MFAP4: variants seen among roughly 807,000 people sequenced by gnomAD.
MFAP4 encodes the protein microfibril-associated glycoprotein 4.
MFAP4 carries 20 observed loss-of-function variants against 32.4 expected under a neutral mutation model. That is an observed-to-expected ratio of 0.62 (90% CI 0.43 to 0.90). The LOEUF (loss-of-function observed/expected upper bound fraction) is 0.90. MFAP4 is among the 40% of genes least tolerant of loss of function. MFAP4 has a pLI of 0.00. For missense variants in MFAP4, 267 were observed against 329.5 expected (o/e 0.81, Z 1.47); for synonymous variants, 146 against 137.4 (o/e 1.06, Z -0.44).
chr17:19,386,977 G>GGGGGC, intron 1 of MFAP4, 139 bp from the exon 2 acceptor site: 26 of 689,422 alleles, frequency 3.8e-5, no homozygotes, highest in South Asian at 5.4e-5. Context: ...CCTCTTCCCT[G>GGGGGC]CCCCCCCACC....
intron 1 of MFAP4, 147 bp from the exon 2 acceptor site, chr17:19,386,985 A>AACC: frequency 3.2e-6 from 1 of 317,372 alleles, no homozygotes; most frequent in Non-Finnish European, 6.1e-6. Flanking sequence ...CTGCCCCCCC[A>AACC]CCCCGCCCGC....
intron 3 of MFAP4, among the ~76,000 whole-genome samples, chr17:19,385,955 C>T (rs1913015511): frequency 6.6e-6 from 1 of 152,190 alleles, no homozygotes; most frequent in African/African-American, 2.4e-5. Context: ...CTCATCTCTA[C>T]TAAAAATAAA....
intron 5 of MFAP4, 125 bp downstream of exon 5, chr17:19,384,974 C>A: frequency 1.2e-5 from 16 of 1,301,390 alleles, no homozygotes; most frequent in Non-Finnish European, 1.7e-5. Flanking sequence ...TTGGAGCCAG[C>A]TGTGGCCCTT....
chr17:19,384,766 G>C, intron 5 of MFAP4, 57 bp from the exon 6 acceptor site: 1 of 1,602,900 alleles, frequency 6.2e-7, no homozygotes, highest in South Asian at 1.1e-5. Context: ...CCCCGAGCTG[G>C]CCGGGAGAGG....
chr17:19,384,773 G>A (rs1912960633), intron 5 of MFAP4, 64 bp from the exon 6 acceptor site: 2 of 1,599,820 alleles, frequency 1.3e-6, no homozygotes, highest in Non-Finnish European at 8.5e-7. Flanking sequence ...CTGGCCGGGA[G>A]AGGGTGACAA....
intron 5 of MFAP4, 83 bp from the exon 6 acceptor site, chr17:19,384,792 G>C: frequency 1.3e-6 from 2 of 1,566,900 alleles, no homozygotes; most frequent in Admixed American, 1.7e-5. Flanking sequence ...AATGACGACT[G>C]TGAGAGATAT....
chr17:19,386,157 G>C (rs1270188981), intron 3 of MFAP4, among the ~76,000 whole-genome samples, 153 bp downstream of exon 3: 2 of 152,224 alleles, frequency 1.3e-5, no homozygotes, highest in African/African-American at 4.8e-5. Flanking sequence ...CAGGCACTTA[G>C]AATTAAGCGT....
chr17:19,383,935 A>G lies in MFAP4; in HGVS notation c.*527T>C. The G allele has an allele frequency of 6.2e-6, 1 of 161,196 alleles. No homozygotes were observed. The allele number at this position is 161,196 out of a possible 1,614,324, so 10.0% of individuals were successfully genotyped here. ...GGTTCCACGGTACTCACCACAGGGGAGTAAGTTGGTGGGAGGGATGCTGAA... is the reference window on the plus strand; with the variant it reads ...GGTTCCACGGTACTCACCACAGGGGGGTAAGTTGGTGGGAGGGATGCTGAA... On this transcript the variant is annotated 3_prime_UTR_variant, in exon 6 of 6. Coordinates refer to ENST00000299610, the MANE Select transcript of MFAP4 (RefSeq NM_002404.3).
At position 19,386,798 on chromosome 17, in the gene MFAP4, G is replaced by A. The variant is rs912620825; in HGVS notation, c.47C>T (p.Pro16Leu). Residue 16 changes from proline to leucine, a missense_variant, in exon 2 of 6, where the codon CCC becomes CTC. Around this residue, in one of 3 missense-constraint regions of MFAP4, gnomAD observed 223 missense variants for 253.3 expected, o/e 0.88. Transcript: ENST00000299610. ...ALPLLLLLST[P>L]PCAPQVSGIR... ...CCCGGAGACCTGGGGGGCACACGGG[G>A]GCGTGGAGAGAAGCAGCAGCAGCGG... 2 of 1,577,298 alleles carry A rather than the reference G, an allele frequency of 1.3e-6. No homozygotes were observed. The highest frequency in any genetic ancestry group is 2.7e-5 in the African/African-American group (2 of 74,194).
In MFAP4 at chr17:19,385,228, C is replaced by A. The variant is rs555541996; in HGVS notation, c.391G>T (p.Asp131Tyr). 6.2e-7 allele frequency: 1 copy of A among 1,614,276 alleles called. No individual in the cohort carries two copies. The highest frequency in any genetic ancestry group is 2.2e-5 in the East Asian group (1 of 44,892). The change falls in exon 5 of 6, where the codon GAC becomes TAC. Residue 131 changes from aspartate (D) to tyrosine (Y), a missense_variant. Asp to Tyr is a radical substitution (Grantham distance 160). Coordinates refer to ENST00000299610, the MANE Select transcript of MFAP4 (RefSeq NM_002404.3). ...TLKQKYELRV[D>Y]LEDFENNTAY... is the part of the protein sequence containing the mutation. ...GTGTTGTTCTCAAAGTCCTCCAAGTCCACTCGCAGCTCATACTTCTGCTTC... is the reference window on the plus strand; with the variant it reads ...GTGTTGTTCTCAAAGTCCTCCAAGTACACTCGCAGCTCATACTTCTGCTTC...
intron 1 of MFAP4, 35 bp from the exon 2 acceptor site, chr17:19,386,873 T>A (rs1913057305): frequency 1.3e-6 from 2 of 1,544,356 alleles, no homozygotes; most frequent in East Asian, 4.9e-5. Context: ...CACAGCCCCT[T>A]CCCAGCTCCA....
intron 3 of MFAP4, among the ~76,000 whole-genome samples, chr17:19,385,681 A>G (rs1477688128): frequency 1.3e-5 from 2 of 152,188 alleles, no homozygotes; most frequent in Admixed American, 1.3e-4. Context: ...CTTCATACCC[A>G]GTTTCGTATA....
Sources: gnomAD v4.1 joint callset for allele counts (sites outside exome capture counted in the v4.1 genomes callset) on GRCh38, gnomAD v4.1.1 for gene constraint, gnomAD v4.1.1 regional missense constraint, MANE v1.5 for transcripts, NCBI Gene and HGNC (gene_info 2026-07-23, HGNC 2026-07-21) for gene names.